The following EML4 variants were observed in gnomAD, a reference collection of about 807,000 sequenced individuals.
The protein encoded by EML4 is echinoderm microtubule-associated protein-like 4.
A neutral mutation model predicts 129.0 loss-of-function variants in EML4; 72 were observed. The observed-to-expected ratio is 0.56, with a 90% confidence interval of 0.46 to 0.68. The LOEUF (loss-of-function observed/expected upper bound fraction) is 0.68, where lower values mean the gene tolerates loss of function less well. Ranked by LOEUF, EML4 falls within the 30% of genes least tolerant of loss-of-function variation. The pLI, the probability that EML4 is intolerant of heterozygous loss-of-function variation, is 0.00. For missense variants in EML4, 1,363 were observed against 1,190.6 expected (o/e 1.14, Z -2.13); for synonymous variants, 532 against 405.0 (o/e 1.31, Z -3.77).
chr2:42,215,216 C>T (rs960669159), intron 1 of EML4, among the ~76,000 whole-genome samples: 1 of 152,128 alleles, frequency 6.6e-6, no homozygotes, highest in Non-Finnish European at 1.5e-5. Flanking sequence ...CACACCACCA[C>T]GCCTGGCTAA....
chr2:42,230,103 A>G (rs1200159815), intron 1 of EML4, among the ~76,000 whole-genome samples: 4 of 152,156 alleles, frequency 2.6e-5, no homozygotes, highest in Admixed American at 1.3e-4. Context: ...CCCTAGTCCT[A>G]TGCATGTCAC....
intron 1 of EML4, among the ~76,000 whole-genome samples, chr2:42,194,745 C>T (rs904822049): frequency 2.6e-5 from 4 of 151,814 alleles, no homozygotes; most frequent in Non-Finnish European, 5.9e-5. Flanking sequence ...CTCCTGGGCT[C>T]GAGTGATCCA....
At chr2:42,193,088 T>C (rs1252256041) in intron 1 of EML4, among the ~76,000 whole-genome samples, 1 of 152,196 alleles carries the variant, frequency 6.6e-6, no homozygotes, top group Non-Finnish European at 1.5e-5. Flanking sequence ...ATACCACATA[T>C]GAGGGTATTT....
rs1313753330 is a variant in EML4 at position 42,280,900 on chromosome 2, A to T, written c.718A>T (p.Ile240Phe). ...FMRGRPITMF[I>F]PSDVDNYDDI... Reference sequence around the variant, plus strand: ...GCGCGGTCGGCCAATTACCATGTTCATTCCTTCCGATGTTGACAACTATGA... The same window carrying T: ...GCGCGGTCGGCCAATTACCATGTTCTTTCCTTCCGATGTTGACAACTATGA... Residue 240 changes from isoleucine to phenylalanine, a missense_variant, in exon 7 of 23, where the codon ATT (isoleucine) becomes TTT (phenylalanine). Transcript: ENST00000318522. 3 of 1,612,368 alleles carry T rather than the reference A, an allele frequency of 1.9e-6. No individual in the cohort carries two copies. The highest frequency in any genetic ancestry group is 1.1e-5 in the South Asian group (1 of 90,852).
chr2:42,225,635 A>G (rs571219458), intron 1 of EML4, among the ~76,000 whole-genome samples: 10 of 152,280 alleles, frequency 6.6e-5, no homozygotes, highest in South Asian at 4.1e-4. Context: ...TTTTTATCCA[A>G]GGATGTGTGA....
rs540393363 is a variant in EML4 at position 42,253,530 on chromosome 2, G to A, written c.209-2971G>A. Among the ~76,000 whole-genome samples, 19 of 152,250 alleles carry A rather than the reference G, an allele frequency of 1.2e-4. No individual in the cohort carries two copies. In the East Asian group the frequency reaches 2.1e-3, roughly 17 times the overall value. ...GTAGGTCATTCTGGCACAGTGTAGC[G>A]ATGCCATAGTGTAGGGTAAAACTGC... On this transcript the variant is annotated intron_variant, in intron 2 of 22. Coordinates refer to ENST00000318522, the MANE Select transcript of EML4 (RefSeq NM_019063.5).
intron 17 of EML4, among the ~76,000 whole-genome samples, chr2:42,310,639 C>T (rs1456231542): frequency 6.6e-6 from 1 of 152,204 alleles, no homozygotes; most frequent in Non-Finnish European, 1.5e-5. Flanking sequence ...AGCCCCCACT[C>T]CCAGCCAGAA....
At chr2:42,173,130 A>G (rs1670372295) in intron 1 of EML4, among the ~76,000 whole-genome samples, 1 of 152,236 alleles carries the variant, frequency 6.6e-6, no homozygotes, top group African/African-American at 2.4e-5. Flanking sequence ...GCTTCAACTT[A>G]TGGACTATTC....
At chr2:42,264,811 C>T (rs6735571) in intron 6 of EML4, 80 bp downstream of exon 6, 202,271 of 1,380,472 alleles carry the variant, frequency 0.15, 19,098 homozygotes, top group African/African-American at 0.47. Context: ...TATTTTCATC[C>T]AGTGCACTTT....
intron 1 of EML4, among the ~76,000 whole-genome samples, chr2:42,240,924 C>T (rs1674987806): frequency 6.6e-6 from 1 of 152,070 alleles, no homozygotes; most frequent in African/African-American, 2.4e-5. Context: ...GCAGATAGAT[C>T]CCTTGAGGTC....
chr2:42,235,912 AT>A (rs1674644436), intron 1 of EML4, among the ~76,000 whole-genome samples: 1 of 152,208 alleles, frequency 6.6e-6, no homozygotes, highest in African/African-American at 2.4e-5. Flanking sequence ...AATAAAGTGA[AT>A]AAATCAGTTA....
chr2:42,190,838 C>G (rs1432634921), intron 1 of EML4, among the ~76,000 whole-genome samples: 1 of 152,174 alleles, frequency 6.6e-6, no homozygotes, highest in Non-Finnish European at 1.5e-5. Flanking sequence ...TTTATGGACA[C>G]TGAAATTTGA....
rs1032670182 is a variant in EML4 at position 42,295,236 on chromosome 2, A to G, written c.1330A>G (p.Thr444Ala). ...FFWTWSGNSL[T>A]RKQGIFGKYE... ...CTGGACCTGGAGCGGCAATTCACTA[A>G]CAAGAAAACAGGGAATTTTTGGGGT... The change falls in exon 12 of 23, where the codon ACA (threonine) becomes GCA (alanine). Residue 444 changes from threonine (T) to alanine (A), a missense_variant. Physicochemically the swap from Thr to Ala is moderately conservative, Grantham distance 58 (BLOSUM62 0). Coordinates refer to ENST00000318522, the MANE Select transcript of EML4 (RefSeq NM_019063.5). The G allele has an allele frequency of 1.7e-5, 28 of 1,613,398 alleles. No individual in the cohort carries two copies. The highest frequency in any genetic ancestry group is 2.4e-5 in the Non-Finnish European group (28 of 1,179,880).
At chr2:42,318,823 G>A (rs1051682044) in intron 19 of EML4, among the ~76,000 whole-genome samples, 2 of 151,974 alleles carry the variant, frequency 1.3e-5, no homozygotes, top group Non-Finnish European at 2.9e-5. Context: ...TCCTGCCTCA[G>A]CCTCCTGACT....
intron 2 of EML4, 119 bp downstream of exon 2, chr2:42,245,806 C>A: frequency 3.0e-6 from 3 of 990,210 alleles, no homozygotes; most frequent in Non-Finnish European, 2.8e-6. Context: ...AGTTTGTTTT[C>A]CATTTCGTTT....
chr2:42,280,834 T>A lies in EML4; in HGVS notation c.668-16T>A. 1 of 1,595,104 alleles carries A rather than the reference T, an allele frequency of 6.3e-7. No homozygotes were observed. On this transcript the variant is annotated splice_polypyrimidine_tract_variant and intron_variant, in intron 6 of 22. Transcript: ENST00000318522. Reference sequence around the variant, plus strand: ...GAAAATACGTATGACTTAACTTTTGTCTTGTGTTTCAACAGAAGGAGAATA... The same window carrying A: ...GAAAATACGTATGACTTAACTTTTGACTTGTGTTTCAACAGAAGGAGAATA...
intron 1 of EML4, among the ~76,000 whole-genome samples, chr2:42,207,264 A>G (rs1672612916): frequency 6.6e-6 from 1 of 152,200 alleles, no homozygotes; most frequent in Non-Finnish European, 1.5e-5. Flanking sequence ...TTTTACTAAA[A>G]TATATCTATG....
chr2:42,288,274 G>A lies in EML4; in HGVS notation c.1170G>A (p.Met390Ile), dbSNP rs1298421869. ...TTATTGATGACTCCAATGAGCATAT[G>A]CTTACTGTATGGGACTGGCAGAAGA... ...LCIIDDSNEH[M>I]LTVWDWQKKA... Residue 390 changes from methionine (M) to isoleucine (I), a missense_variant, in exon 11 of 23, where the codon ATG (methionine) becomes ATA (isoleucine). Transcript: ENST00000318522. 2 of 1,576,784 alleles carry A rather than the reference G, an allele frequency of 1.3e-6. No individual in the cohort carries two copies. Among genetic ancestry groups the A allele is most frequent in the East Asian group, 4.6e-5 (2 of 43,814 alleles).
chr2:42,237,511 T>A (rs1329619190), intron 1 of EML4, among the ~76,000 whole-genome samples: 1 of 152,154 alleles, frequency 6.6e-6, no homozygotes, highest in East Asian at 1.9e-4. Context: ...ATATGGGCTT[T>A]AATATATGGT....
Sources: gnomAD v4.1 joint callset for allele counts (sites outside exome capture counted in the v4.1 genomes callset) on GRCh38, gnomAD v4.1.1 for gene constraint, MANE v1.5 for transcripts, NCBI Gene and HGNC (gene_info 2026-07-23, HGNC 2026-07-21) for gene names.